FTO: variants seen among roughly 807,000 people sequenced by gnomAD.
The protein encoded by FTO is alpha-ketoglutarate-dependent dioxygenase FTO.
In FTO, 47 loss-of-function variants were observed where a neutral mutation model predicts 63.9. The ratio of observed to expected loss-of-function variants is 0.74; its 90% CI spans 0.58 to 0.94. The LOEUF (loss-of-function observed/expected upper bound fraction) is 0.94. Among genes scored for constraint, FTO ranks in the 40% least tolerant of loss-of-function variants. FTO has a pLI of 0.00. For synonymous variants in FTO, 207 were observed against 224.4 expected (o/e 0.92, Z 0.69); for missense variants, 562 against 618.1 (o/e 0.91, Z 0.96).
intron 1 of FTO, among the ~76,000 whole-genome samples, chr16:53,739,586 GGAAA>G (rs2076484320): frequency 6.6e-6 from 1 of 152,074 alleles, no homozygotes; most frequent in African/African-American, 2.4e-5. Flanking sequence ...ATGTGTGAAT[GGAAA>G]GAAAGAAGTG....
intron 1 of FTO, among the ~76,000 whole-genome samples, chr16:53,807,092 C>T (rs939289649): frequency 2.0e-5 from 3 of 152,306 alleles, no homozygotes; most frequent in African/African-American, 7.2e-5. Context: ...GTAAGCATGA[C>T]CAAAACTTCT....
In FTO at chr16:54,112,592, C is replaced by T. The variant is rs1767355748; in HGVS notation, c.*677C>T. On this transcript the variant is annotated 3_prime_UTR_variant, in exon 9 of 9. Coordinates refer to ENST00000471389, the MANE Select transcript of FTO (RefSeq NM_001080432.3). The stretch of plus-strand genomic sequence containing the variant: ...ATTTCCATTCGTCTGTAGCTTCTAT[C>T]CCCAAAGGCAAAGAAACTAAAAGAG... 1 of 152,372 alleles carries T rather than the reference C, an allele frequency of 6.6e-6. No homozygotes were observed. The highest frequency in any genetic ancestry group is 1.5e-5 in the Non-Finnish European group (1 of 68,184). The allele number at this position is 152,372 out of a possible 1,614,324, so 9.4% of individuals were successfully genotyped here.
intron 8 of FTO, among the ~76,000 whole-genome samples, chr16:53,994,965 C>T (rs1223420716): frequency 6.6e-6 from 1 of 152,160 alleles, no homozygotes; most frequent in Non-Finnish European, 1.5e-5. Flanking sequence ...AACTCCTGAC[C>T]TCAAGTGATC....
chr16:53,848,903 C>G (rs1034054725), intron 4 of FTO, among the ~76,000 whole-genome samples: 3 of 152,190 alleles, frequency 2.0e-5, no homozygotes, highest in African/African-American at 7.2e-5. Flanking sequence ...TGTCACCATT[C>G]ATGACTCTGT....
At chr16:54,014,782 A>G (rs2084397525) in intron 8 of FTO, among the ~76,000 whole-genome samples, 1 of 151,680 alleles carries the variant, frequency 6.6e-6, no homozygotes, top group African/African-American at 2.4e-5. Context: ...TGTTCTATAA[A>G]ATGCACCCAG....
chr16:53,863,004 T>C (rs1402226613), intron 4 of FTO, among the ~76,000 whole-genome samples: 1 of 152,228 alleles, frequency 6.6e-6, no homozygotes, highest in Non-Finnish European at 1.5e-5. Context: ...TTGGTTTTTC[T>C]GCAGCATGTT....
chr16:53,949,939 C>T (rs1319184500), intron 8 of FTO, among the ~76,000 whole-genome samples: 2 of 151,868 alleles, frequency 1.3e-5, no homozygotes, highest in East Asian at 1.9e-4. Context: ...ACAGTTCATT[C>T]GTTCTTTAAA....
At chr16:54,003,470 A>T (rs2144013541) in intron 8 of FTO, among the ~76,000 whole-genome samples, 1 of 152,326 alleles carries the variant, frequency 6.6e-6, no homozygotes, top group African/African-American at 2.4e-5. Flanking sequence ...TTTTTCTGGT[A>T]TTACATTTCC....
chr16:53,792,366 G>T (rs2077946966), intron 1 of FTO, among the ~76,000 whole-genome samples: 1 of 152,176 alleles, frequency 6.6e-6, no homozygotes, highest in Admixed American at 6.5e-5. Flanking sequence ...ACAGGGGAAA[G>T]TATTTAATGT....
At chr16:54,058,097 G>T (rs1253763313) in intron 8 of FTO, among the ~76,000 whole-genome samples, 2 of 151,960 alleles carry the variant, frequency 1.3e-5, no homozygotes, top group Admixed American at 6.6e-5. Context: ...TTATGGAGGA[G>T]AATTTATTTT....
chr16:54,020,431 C>G lies in FTO; in HGVS notation c.1364+86322C>G, dbSNP rs74019547. ...AAGAAAAACAGAAGCACCTACTGTA[C>G]TTGTGCACTTTCTGTTTTACAGTTT... On this transcript the variant is annotated intron_variant, in intron 8 of 8. Coordinates refer to ENST00000471389, the MANE Select transcript of FTO (RefSeq NM_001080432.3). Among the ~76,000 whole-genome samples, 1,359 of 152,228 alleles carry G rather than the reference C, an allele frequency of 8.9e-3. 21 individuals carry two copies. Among genetic ancestry groups the G allele is most frequent in the African/African-American group, 0.031 (1,286 of 41,526 alleles).
intron 4 of FTO, among the ~76,000 whole-genome samples, chr16:53,857,769 A>G (rs1309967541): frequency 6.6e-6 from 1 of 152,086 alleles, no homozygotes; most frequent in Admixed American, 6.6e-5. Context: ...GTCTTTTCTT[A>G]TTTCTGTGCT....
intron 1 of FTO, among the ~76,000 whole-genome samples, chr16:53,744,831 C>CT (rs893862412): frequency 1.1e-4 from 8 of 70,530 alleles, no homozygotes; most frequent in Admixed American, 3.5e-4. Context: ...TTCTTCCCCC[C>CT]CCCCATATAT....
chr16:53,943,349 C>G (rs1167507644), intron 8 of FTO, among the ~76,000 whole-genome samples: 1 of 152,202 alleles, frequency 6.6e-6, no homozygotes, highest in Admixed American at 6.5e-5. Context: ...GACTTCTGTG[C>G]ATCTTATTTA....
At chr16:53,766,913 T>A (rs2077219729) in intron 1 of FTO, among the ~76,000 whole-genome samples, 1 of 152,134 alleles carries the variant, frequency 6.6e-6, no homozygotes. Context: ...AAGCAGGAGA[T>A]GACACACACC....
intron 4 of FTO, among the ~76,000 whole-genome samples, chr16:53,855,754 C>T (rs569463317): frequency 3.5e-4 from 53 of 152,282 alleles, no homozygotes; most frequent in African/African-American, 1.2e-3. Flanking sequence ...GCTTCTTTTC[C>T]TTACATCTAG....
At chr16:53,982,478 G>A (rs2083569207) in intron 8 of FTO, among the ~76,000 whole-genome samples, 3 of 152,188 alleles carry the variant, frequency 2.0e-5, no homozygotes, top group African/African-American at 7.2e-5. Context: ...AGGGGTTTCA[G>A]TGAAACAGCT....
chr16:53,833,147 T>C (rs2079189069), intron 3 of FTO, among the ~76,000 whole-genome samples: 1 of 152,194 alleles, frequency 6.6e-6, no homozygotes, highest in African/African-American at 2.4e-5. Flanking sequence ...GGGTTTCCGC[T>C]TTTGCTTCCT....
At chr16:53,958,261 C>A (rs182179151) in intron 8 of FTO, among the ~76,000 whole-genome samples, 11 of 152,296 alleles carry the variant, frequency 7.2e-5, no homozygotes, top group Admixed American at 3.3e-4. Context: ...TTTCCTCGAC[C>A]AATTTTGATT....
Sources: allele counts gnomAD v4.1 joint callset (sites outside exome capture counted in the v4.1 genomes callset), GRCh38; gene constraint gnomAD v4.1.1; transcripts MANE v1.5; gene names NCBI Gene and HGNC (gene_info 2026-07-23, HGNC 2026-07-21).